MIXL1: variants seen among roughly 807,000 people sequenced by gnomAD.
MIXL1 encodes the protein Mix paired-like homeobox, also known as homeobox protein MIXL1.
Under a neutral mutation model 9.3 loss-of-function variants are expected in MIXL1, and 9 were observed. That is an observed-to-expected ratio of 0.97 (90% confidence interval 0.58 to 1.69). The LOEUF is 1.69. MIXL1 is among the 40% of genes most tolerant of loss of function. MIXL1 has a pLI of 0.00. For synonymous variants in MIXL1, 164 were observed against 155.6 expected, an observed-to-expected ratio of 1.05 and a Z score of -0.40; for missense variants, 330 against 331.7, an observed-to-expected ratio of 0.99 and a Z score of 0.04.
intron 1 of MIXL1, 49 bp downstream of exon 1, chr1:226,224,123 G>T: frequency 8.0e-7 from 1 of 1,251,576 alleles, no homozygotes. Flanking sequence ...GAGGCGCTGC[G>T]GACTCTAGGT....
intron 1 of MIXL1, 29 bp downstream of exon 1, chr1:226,224,103 C>T (rs1319178373): frequency 1.6e-5 from 21 of 1,276,794 alleles, no homozygotes; most frequent in Admixed American, 3.5e-5. Context: ...CGCAAGTGCG[C>T]GCTGGAGCGG....
Position 226,223,729 on chromosome 1 carries a change from G to A in MIXL1, c.48G>A (p.Ala16=). The part of the protein sequence containing the change: ...SRALQFAEGA[A]FPAYRAPHAG... ...CGCTCCAGTTTGCCGAGGGCGCCGC[G>A]TTTCCAGCGTACCGGGCCCCCCACG... Residue 16 remains alanine (A), a synonymous_variant, in exon 1 of 2, where the codon GCG becomes GCA. Transcript: ENST00000366810. The A allele has an allele frequency of 6.9e-7, 1 of 1,458,112 alleles. No homozygotes were observed. Among genetic ancestry groups the A allele is most frequent in the Non-Finnish European group, 9.0e-7 (1 of 1,110,542 alleles). The allele number at this position is 1,458,112 out of a possible 1,614,324, so 90.3% of individuals were successfully genotyped here. A position where few individuals can be genotyped will look rare whatever the true frequency, so the allele number is the denominator to read the frequency against.
At chr1:226,224,097 A>C (rs1657091199) in intron 1 of MIXL1, 23 bp downstream of exon 1, 2 of 1,285,742 alleles carry the variant, frequency 1.6e-6, no homozygotes, top group African/African-American at 3.0e-5. Context: ...TGCGTTCGCA[A>C]GTGCGCGCTG....
At chr1:226,224,673 C>A (rs1657113698) in intron 1 of MIXL1, among the ~76,000 whole-genome samples, 1 of 152,130 alleles carries the variant, frequency 6.6e-6, no homozygotes, top group African/African-American at 2.4e-5. Context: ...AGTTTTAACT[C>A]TTGTTGCCCA....
Position 226,223,785 on chromosome 1 carries a change from C to T in MIXL1, c.104C>T (p.Pro35Leu), listed in dbSNP as rs1312297341. 2 of 1,385,724 alleles carry T rather than the reference C, an allele frequency of 1.4e-6. No homozygotes were observed. Among genetic ancestry groups the T allele is most frequent in the East Asian group, 6.4e-5 (2 of 31,366 alleles). The allele number at this position is 1,385,724 out of a possible 1,614,324, so 85.8% of individuals were successfully genotyped here. The change falls in exon 1 of 2, where the codon CCT becomes CTT. Residue 35 changes from proline (P) to leucine (L), a missense_variant. By Grantham distance (98) the Pro-to-Leu change is moderately conservative. Coordinates refer to ENST00000366810, the MANE Select transcript of MIXL1 (RefSeq NM_031944.3). ...GGGGCGCTCCTGCCGCCCCCGAGCC[C>T]TGCGGCAGCCCTGCTCCCTGCGCCG... ...AGGALLPPPS[P>L]AAALLPAPPA... is the part of the protein sequence containing the mutation.
Position 226,225,876 on chromosome 1 carries a change from T to G in MIXL1, c.*64T>G. 2 of 1,311,094 alleles carry G rather than the reference T, an allele frequency of 1.5e-6. No individual in the cohort carries two copies. Among genetic ancestry groups the G allele is most frequent in the Non-Finnish European group, 2.1e-6 (2 of 937,612 alleles). The allele number at this position is 1,311,094 out of a possible 1,614,324, so 81.2% of individuals were successfully genotyped here. A position where few individuals can be genotyped will look rare whatever the true frequency, so the allele number is the denominator to read the frequency against. On this transcript the variant is annotated 3_prime_UTR_variant, in exon 2 of 2. Transcript: ENST00000366810. ...TGACTGACAGCCTGGGAGAGACACATCAGCATACTGTCCTTTCTGACTTCC... is the reference window on the plus strand; with the variant it reads ...TGACTGACAGCCTGGGAGAGACACAGCAGCATACTGTCCTTTCTGACTTCC...
chr1:226,224,218 G>T, intron 1 of MIXL1, 144 bp downstream of exon 1: 1 of 758,678 alleles, frequency 1.3e-6, no homozygotes, highest in Non-Finnish European at 1.8e-6. Context: ...ACTGAAATAG[G>T]GGGTGATATC....
chr1:226,223,742 CG>C lies in MIXL1; in HGVS notation c.64del (p.Ala22ProfsTer150). The C allele has an allele frequency of 1.4e-6, 2 of 1,443,972 alleles. No homozygotes were observed. The highest frequency in any genetic ancestry group is 1.4e-5 in the South Asian group (1 of 73,528). 89.4% of individuals were successfully genotyped at this position (1,443,972 alleles called of 1,614,324 possible). Reference protein sequence around the residue: ...FAEGAAFPAYRAPHAGGALLP... With the variant: ...FAEGAAFPAYXAPHAGGALLP... The stretch of plus-strand genomic sequence containing the variant: ...CGAGGGCGCCGCGTTTCCAGCGTAC[CG>C]GGCCCCCCACGCCGGCGGGGCGCTC... On this transcript the variant is annotated frameshift_variant, in exon 1 of 2. Coordinates refer to ENST00000366810, the MANE Select transcript of MIXL1 (RefSeq NM_031944.3). LOFTEE classifies it high-confidence loss of function.
chr1:226,224,049 C>T lies in MIXL1; in HGVS notation c.368C>T (p.Thr123Ile). 2.9e-6 allele frequency: 4 copies of T among 1,369,370 alleles called. No homozygotes were observed. Among genetic ancestry groups the T allele is most frequent in the Non-Finnish European group, 3.8e-6 (4 of 1,049,734 alleles). 84.8% of individuals were successfully genotyped at this position (1,369,370 alleles called of 1,614,324 possible). ...IHLRERLAALTLLPESRIQVW... is the reference protein window; with the variant it reads ...IHLRERLAALILLPESRIQVW... ...TTGCGCGAGCGCCTGGCCGCGCTCA[C>T]CCTGCTCCCCGAGTCCAGGATCCAG... The change falls in exon 1 of 2, where the codon ACC becomes ATC. Residue 123 changes from threonine to isoleucine, a missense_variant. By Grantham distance (89) the Thr-to-Ile change is moderately conservative. Coordinates refer to ENST00000366810, the MANE Select transcript of MIXL1 (RefSeq NM_031944.3).
At position 226,225,713 on chromosome 1, in the gene MIXL1, A is replaced by G. The variant is rs200310896; in HGVS notation, c.600A>G (p.Gln200=). 1 of 1,614,104 alleles carries G rather than the reference A, an allele frequency of 6.2e-7. No individual in the cohort carries two copies. The change falls in exon 2 of 2, where the codon CAA becomes CAG. Residue 200 remains glutamine (Q), a synonymous_variant. Coordinates refer to ENST00000366810, the MANE Select transcript of MIXL1 (RefSeq NM_031944.3). ...VGGGISDSSS[Q]GQNFETCSPL... ...GGGGCATCTCTGACTCTAGCTCCCA[A>G]GGTCAGAATTTTGAAACCTGTTCCC...
rs1657172899 is a variant in MIXL1, at chr1:226,226,688, A to G, written c.*876A>G. 1 of 151,380 alleles carries G rather than the reference A, an allele frequency of 6.6e-6. No homozygotes were observed. Among genetic ancestry groups the G allele is most frequent in the Non-Finnish European group, 1.5e-5 (1 of 67,834 alleles). 9.4% of individuals were successfully genotyped at this position (151,380 alleles called of 1,614,324 possible). A position where few individuals can be genotyped will look rare whatever the true frequency, so the allele number is the denominator to read the frequency against. On this transcript the variant is annotated 3_prime_UTR_variant, in exon 2 of 2. Transcript: ENST00000366810. Reference sequence around the variant, plus strand: ...AGGGAGGCTCTCAAAAAAAAAAAAAAAAAAAAAAAAAATTACTCTATGGTT... The same window carrying G: ...AGGGAGGCTCTCAAAAAAAAAAAAAGAAAAAAAAAAAATTACTCTATGGTT...
Position 226,226,980 on chromosome 1 carries a change from A to C in MIXL1, c.*1168A>C, listed in dbSNP as rs1027136901. The C allele has an allele frequency of 6.6e-6, 1 of 152,076 alleles. No individual in the cohort carries two copies. Among genetic ancestry groups the C allele is most frequent in the Admixed American group, 6.6e-5 (1 of 15,254 alleles). The allele number at this position is 152,076 out of a possible 1,614,324, so 9.4% of individuals were successfully genotyped here. ...TGATTTTGCACCTGTTACTTCGATC[A>C]CTCCATTACCCTTAGCACTTGTTAT... On this transcript the variant is annotated 3_prime_UTR_variant, in exon 2 of 2. Coordinates refer to ENST00000366810, the MANE Select transcript of MIXL1 (RefSeq NM_031944.3).
chr1:226,223,833 C>A lies in MIXL1; in HGVS notation c.152C>A (p.Thr51Asn). ...PAPPAGPGPATFAGFLGRDPG... is the reference protein window; with the variant it reads ...PAPPAGPGPANFAGFLGRDPG... ...CCGCCCGCGGGCCCCGGCCCAGCGACCTTTGCGGGCTTCCTCGGCCGGGAC... is the reference window on the plus strand; with the variant it reads ...CCGCCCGCGGGCCCCGGCCCAGCGAACTTTGCGGGCTTCCTCGGCCGGGAC... The change falls in exon 1 of 2, where the codon ACC (threonine) becomes AAC (asparagine). Residue 51 changes from threonine to asparagine, a missense_variant. Thr to Asn is a moderately conservative substitution (Grantham distance 65). Transcript: ENST00000366810. The A allele has an allele frequency of 8.3e-7, 1 of 1,207,260 alleles. No individual in the cohort carries two copies. 74.8% of individuals were successfully genotyped at this position (1,207,260 alleles called of 1,614,324 possible).
At position 226,224,739 on chromosome 1, in the gene MIXL1, A is replaced by G. The variant is rs1657117474; in HGVS notation, c.393+665A>G. 2.0e-5 allele frequency among the ~76,000 whole-genome samples: 3 copies of G among 152,156 alleles called. No individual in the cohort carries two copies. The South Asian group carries it at 6.2e-4, about 32-fold the overall frequency. Reference sequence around the variant, plus strand: ...ACTGCAACCTCCGCCTCCCAGGTTCAAGTGATTCTCCTGCCTCAGCCTCCC... The same window carrying G: ...ACTGCAACCTCCGCCTCCCAGGTTCGAGTGATTCTCCTGCCTCAGCCTCCC... On this transcript the variant is annotated intron_variant, in intron 1 of 1. Transcript: ENST00000366810.
At position 226,225,858 on chromosome 1, in the gene MIXL1, C is replaced by T; in HGVS notation, c.*46C>T. The T allele has an allele frequency of 6.7e-7, 1 of 1,485,796 alleles. No homozygotes were observed. Among genetic ancestry groups the T allele is most frequent in the Non-Finnish European group, 9.2e-7 (1 of 1,083,594 alleles). 92.0% of individuals were successfully genotyped at this position (1,485,796 alleles called of 1,614,324 possible). A position where few individuals can be genotyped will look rare whatever the true frequency, so the allele number is the denominator to read the frequency against. ...ATAAGCTCTGAGGAGCCATGACTGA[C>T]AGCCTGGGAGAGACACATCAGCATA... On this transcript the variant is annotated 3_prime_UTR_variant, in exon 2 of 2. Coordinates refer to ENST00000366810, the MANE Select transcript of MIXL1 (RefSeq NM_031944.3).
rs561539798 is a variant in MIXL1 at position 226,223,734 on chromosome 1, C to T, written c.53C>T (p.Pro18Leu). 3.0e-5 allele frequency: 43 copies of T among 1,455,922 alleles called. No homozygotes were observed. The South Asian group carries it at 5.5e-4, about 19-fold the overall frequency. The allele number at this position is 1,455,922 out of a possible 1,614,324, so 90.2% of individuals were successfully genotyped here. ...CAGTTTGCCGAGGGCGCCGCGTTTC[C>T]AGCGTACCGGGCCCCCCACGCCGGC... ...ALQFAEGAAF[P>L]AYRAPHAGGA... is the part of the protein sequence containing the mutation. Residue 18 changes from proline (P) to leucine (L), a missense_variant, in exon 1 of 2, where the codon CCA becomes CTA. By Grantham distance (98) the Pro-to-Leu change is moderately conservative. Transcript: ENST00000366810.
chr1:226,224,489 G>T (rs1657108951), intron 1 of MIXL1, among the ~76,000 whole-genome samples: 1 of 152,144 alleles, frequency 6.6e-6, no homozygotes, highest in Non-Finnish European at 1.5e-5. Context: ...GGGAAGGCTG[G>T]CTCGCCAAGT....
chr1:226,225,754 T>C lies in MIXL1; in HGVS notation c.641T>C (p.Ile214Thr). The C allele has an allele frequency of 6.2e-7, 1 of 1,614,220 alleles. No individual in the cohort carries two copies. The highest frequency in any genetic ancestry group is 1.6e-4 in the Middle Eastern group (1 of 6,062). ...FETCSPLSED[I>T]GSKLDSWEEH... Reference sequence around the variant, plus strand: ...ACCTGTTCCCCTCTCTCTGAAGACATTGGTTCAAAGCTGGACTCATGGGAG... The same window carrying C: ...ACCTGTTCCCCTCTCTCTGAAGACACTGGTTCAAAGCTGGACTCATGGGAG... Residue 214 changes from isoleucine to threonine, a missense_variant, in exon 2 of 2, where the codon ATT (isoleucine) becomes ACT (threonine). Physicochemically the swap from Ile to Thr is moderately conservative, Grantham distance 89 (BLOSUM62 -1). Transcript: ENST00000366810.
chr1:226,223,835 T>C lies in MIXL1; in HGVS notation c.154T>C (p.Phe52Leu). Residue 52 changes from phenylalanine to leucine, a missense_variant, in exon 1 of 2, where the codon TTT becomes CTT. Transcript: ENST00000366810. ...APPAGPGPAT[F>L]AGFLGRDPGP... ...GCCCGCGGGCCCCGGCCCAGCGACC[T>C]TTGCGGGCTTCCTCGGCCGGGACCC... 1 of 1,204,140 alleles carries C rather than the reference T, an allele frequency of 8.3e-7. No individual in the cohort carries two copies. Among genetic ancestry groups the C allele is most frequent in the South Asian group, 3.8e-5 (1 of 26,308 alleles). 74.6% of individuals were successfully genotyped at this position (1,204,140 alleles called of 1,614,324 possible).
Sources: gnomAD v4.1 joint callset for allele counts (sites outside exome capture counted in the v4.1 genomes callset) on GRCh38, gnomAD v4.1.1 for gene constraint, MANE v1.5 for transcripts, NCBI Gene and HGNC (gene_info 2026-07-23, HGNC 2026-07-21) for gene names.